The following CD44 variants were observed in gnomAD, a reference collection of about 807,000 sequenced individuals.
The protein encoded by CD44 is CD44 antigen.
CD44 carries 49 observed loss-of-function variants against 88.8 expected under a neutral mutation model. The ratio of observed to expected loss-of-function variants is 0.55; its 90% CI spans 0.44 to 0.70. The LOEUF (loss-of-function observed/expected upper bound fraction) is 0.70. Among genes scored for constraint, CD44 ranks in the 30% least tolerant of loss-of-function variants. The probability of loss-of-function intolerance (pLI) is 0.00; values close to 1 mark genes in which losing one functional copy is unlikely to be tolerated. For missense variants in CD44, 883 were observed against 913.8 expected (o/e 0.97, Z 0.43); for synonymous variants, 325 against 312.3 (o/e 1.04, Z -0.43).
At chr11:35,162,530 T>G (rs1461844172) in intron 1 of CD44, among the ~76,000 whole-genome samples, 1 of 152,218 alleles carries the variant, frequency 6.6e-6, no homozygotes, top group Non-Finnish European at 1.5e-5. Flanking sequence ...GTCCAAACCC[T>G]GTGACTTGAG....
chr11:35,201,411 G>T (rs763791230), intron 8 of CD44, among the ~76,000 whole-genome samples: 5 of 152,138 alleles, frequency 3.3e-5, no homozygotes, highest in Non-Finnish European at 7.4e-5. Flanking sequence ...TGATAAAAAT[G>T]AATATGTTTG....
intron 1 of CD44, among the ~76,000 whole-genome samples, chr11:35,156,589 T>C (rs997208586): frequency 1.3e-5 from 2 of 152,196 alleles, no homozygotes; most frequent in Admixed American, 6.5e-5. Context: ...TCCTAATCCA[T>C]CCTTCAGTTC....
intron 17 of CD44, among the ~76,000 whole-genome samples, chr11:35,224,984 A>T (rs1949593516): frequency 6.6e-6 from 1 of 152,168 alleles, no homozygotes; most frequent in Non-Finnish European, 1.5e-5. Context: ...AGCTCCTGCA[A>T]TCTGAGCTCA....
intron 1 of CD44, among the ~76,000 whole-genome samples, chr11:35,171,787 A>T (rs1407823): frequency 0.071 from 10,880 of 152,188 alleles, 447 homozygotes; most frequent in Non-Finnish European, 0.091. Context: ...TCTTTCTTAC[A>T]TTGTTAACTA....
In CD44 at chr11:35,185,828, G is replaced by A. The variant is rs544610659; in HGVS notation, c.368-1004G>A. ...GTATAGTCACAGAATAAAGCACTTT[G>A]GCATGAATAGAAGGTTGCTTCAGCT... On this transcript the variant is annotated intron_variant, in intron 3 of 17. Transcript: ENST00000428726. Among the ~76,000 whole-genome samples, 304 of 152,298 alleles carry A rather than the reference G, an allele frequency of 2.0e-3. 4 individuals are homozygous for A. In the South Asian group the frequency reaches 0.027, roughly 14 times the overall value.
At chr11:35,222,892 C>T in intron 17 of CD44, 1 of 985,306 alleles carries the variant, frequency 1.0e-6, no homozygotes, top group Non-Finnish European at 1.2e-6. Context: ...GAAAAATGCC[C>T]CTCAGTCTGG....
intron 11 of CD44, among the ~76,000 whole-genome samples, chr11:35,207,901 C>T (rs767731288): frequency 2.0e-5 from 3 of 152,160 alleles, no homozygotes; most frequent in Non-Finnish European, 4.4e-5. Context: ...TCATATAACT[C>T]GGCCCTTCAA....
chr11:35,178,935 C>T (rs1944723871), intron 2 of CD44, among the ~76,000 whole-genome samples: 1 of 152,214 alleles, frequency 6.6e-6, no homozygotes, highest in Non-Finnish European at 1.5e-5. Context: ...ATGGCAGAGT[C>T]TCATGGGTTA....
At chr11:35,169,598 C>T (rs1223417673) in intron 1 of CD44, among the ~76,000 whole-genome samples, 1 of 152,214 alleles carries the variant, frequency 6.6e-6, no homozygotes, top group Admixed American at 6.5e-5. Flanking sequence ...ATAATGGCAA[C>T]TTGGGTGAAA....
rs372561967 is a variant in CD44 at position 35,145,099 on chromosome 11, T to C, written c.67+5729T>C. On this transcript the variant is annotated intron_variant, in intron 1 of 17. Coordinates refer to ENST00000428726, the MANE Select transcript of CD44 (RefSeq NM_000610.4). ...CTATGTGTGTGGTGGGAATTGGTGA[T>C]GCCAAAGAATGCTAAAGACTTTCAT... is the stretch of plus-strand genomic sequence containing the variant. Among the ~76,000 whole-genome samples the C allele has an allele frequency of 8.5e-4, 129 of 152,360 alleles. 1 individual carries two copies. The South Asian group carries it at 0.026, about 30-fold the overall frequency.
intron 17 of CD44, 92 bp from the exon 18 acceptor site, chr11:35,229,037 G>A (rs1949916407): frequency 9.5e-7 from 1 of 1,057,226 alleles, no homozygotes; most frequent in African/African-American, 1.6e-5. Flanking sequence ...ATAAACCATA[G>A]TGATCATCAA....
chr11:35,209,028 G>A (rs556753555), intron 12 of CD44, among the ~76,000 whole-genome samples: 3 of 152,166 alleles, frequency 2.0e-5, no homozygotes, highest in African/African-American at 4.8e-5. Context: ...GCCTATGAAT[G>A]GTCCTTGCCA....
chr11:35,206,161 C>T lies in CD44; in HGVS notation c.1332C>T (p.Ser444=), dbSNP rs765700050. Residue 444 remains serine (S), a synonymous_variant, in exon 11 of 18, where the codon AGC becomes AGT. Coordinates refer to ENST00000428726, the MANE Select transcript of CD44 (RefSeq NM_000610.4). Reference sequence around the variant, plus strand: ...CAATGCAAGGAAGGACAACACCAAGCCCAGAGGACAGTTCCTGGACTGATT... The same window carrying T: ...CAATGCAAGGAAGGACAACACCAAGTCCAGAGGACAGTTCCTGGACTGATT... ...SHPMQGRTTP[S]PEDSSWTDFF... The T allele has an allele frequency of 2.8e-5, 45 of 1,612,112 alleles. No homozygotes were observed. The highest frequency in any genetic ancestry group is 3.6e-5 in the Non-Finnish European group (42 of 1,179,076).
At chr11:35,212,408 T>C (rs1326868924) in intron 14 of CD44, 1 of 152,146 alleles carries the variant, frequency 6.6e-6, no homozygotes, top group Non-Finnish European at 1.5e-5. Flanking sequence ...TATAATTTTT[T>C]TTTTTGAGAC....
At chr11:35,186,498 G>T (rs1231838499) in intron 3 of CD44, among the ~76,000 whole-genome samples, 1 of 151,842 alleles carries the variant, frequency 6.6e-6, no homozygotes, top group Admixed American at 6.6e-5. Flanking sequence ...TAATGTGTTT[G>T]CATTAGAGAA....
intron 17 of CD44, chr11:35,223,077 A>G: frequency 1.0e-6 from 1 of 985,298 alleles, no homozygotes; most frequent in Non-Finnish European, 1.2e-6. Flanking sequence ...ACAGTCAAAC[A>G]GCTATGTTGC....
intron 1 of CD44, among the ~76,000 whole-genome samples, chr11:35,150,370 T>A (rs1187350581): frequency 6.6e-6 from 1 of 152,136 alleles, no homozygotes; most frequent in Admixed American, 6.5e-5. Flanking sequence ...GCCTGAGAGA[T>A]GGTGAATTTC....
intron 14 of CD44, among the ~76,000 whole-genome samples, chr11:35,214,184 T>C (rs1176221389): frequency 6.6e-6 from 1 of 152,198 alleles, no homozygotes; most frequent in Non-Finnish European, 1.5e-5. Flanking sequence ...ATGTTGAAAC[T>C]ACAGATTTAA....
chr11:35,170,024 C>T (rs546339579), intron 1 of CD44, among the ~76,000 whole-genome samples: 2 of 152,268 alleles, frequency 1.3e-5, no homozygotes, highest in East Asian at 3.9e-4. Context: ...ATTAAATTAG[C>T]TGAAGTACAT....
Sources: gnomAD v4.1 joint callset for allele counts (sites outside exome capture counted in the v4.1 genomes callset) on GRCh38, gnomAD v4.1.1 for gene constraint, MANE v1.5 for transcripts, NCBI Gene and HGNC (gene_info 2026-07-23, HGNC 2026-07-21) for gene names.